Variants in STRN3 observed in about 807,000 individuals in gnomAD.
STRN3 encodes striatin 3, also known as striatin-3.
A neutral mutation model predicts 95.6 loss-of-function variants in STRN3; 29 were observed. The ratio of observed to expected loss-of-function variants is 0.30; its 90% CI spans 0.23 to 0.41. STRN3 has a LOEUF of 0.41. STRN3 is among the 10% of genes least tolerant of loss of function. The pLI is 1.00. For missense variants in STRN3, 890 were observed against 972.1 expected, an observed-to-expected ratio of 0.92 and a Z score of 1.12; for synonymous variants, 331 against 357.6, an observed-to-expected ratio of 0.93 and a Z score of 0.84.
chr14:30,995,895 G>A (rs183425940), intron 1 of STRN3, among the ~76,000 whole-genome samples: 98 of 152,300 alleles, frequency 6.4e-4, no homozygotes, highest in Non-Finnish European at 1.1e-3. Flanking sequence ...GCCCTCGGCT[G>A]TCAATCCTCT....
At chr14:30,999,901 A>C (rs1882367689) in intron 1 of STRN3, among the ~76,000 whole-genome samples, 1 of 152,230 alleles carries the variant, frequency 6.6e-6, no homozygotes, top group African/African-American at 2.4e-5. Context: ...AAAATCTTGA[A>C]AACATCAAAG....
chr14:30,985,768 T>C (rs1173892529), intron 1 of STRN3, among the ~76,000 whole-genome samples: 2 of 152,240 alleles, frequency 1.3e-5, no homozygotes, highest in Admixed American at 6.5e-5. Context: ...ATATATCTTT[T>C]GCTAACGTTT....
At chr14:30,905,671 A>G (rs1450626240) in intron 14 of STRN3, 113 bp from the exon 15 acceptor site, 5 of 1,090,714 alleles carry the variant, frequency 4.6e-6, no homozygotes, top group Non-Finnish European at 5.2e-6. Context: ...TAGTCTTGAA[A>G]TACTGTTAAT....
chr14:30,914,205 T>C (rs953638721), intron 9 of STRN3, among the ~76,000 whole-genome samples: 7 of 152,212 alleles, frequency 4.6e-5, no homozygotes, highest in African/African-American at 9.6e-5. Context: ...GTCAGCTATA[T>C]ACTATATCAG....
intron 1 of STRN3, among the ~76,000 whole-genome samples, chr14:31,019,019 G>A (rs1320978405): frequency 2.6e-5 from 4 of 152,150 alleles, no homozygotes; most frequent in Non-Finnish European, 5.9e-5. Flanking sequence ...TACTCTGGAG[G>A]CTGAGGCATG....
In STRN3 at chr14:30,914,759, T is replaced by G. The variant is rs1007218236; in HGVS notation, c.1241-1102A>C. 2.0e-5 allele frequency among the ~76,000 whole-genome samples: 3 copies of G among 152,250 alleles called. No homozygotes were observed. In the East Asian group the frequency reaches 5.8e-4, roughly 29 times the overall value. ...GTAATCTTGACCACAGAGCTTTAAT[T>G]TCTGATCAGATTTGCCATTTCAATT... On this transcript the variant is annotated intron_variant, in intron 9 of 17. Coordinates refer to ENST00000357479, the MANE Select transcript of STRN3 (RefSeq NM_001083893.2).
intron 1 of STRN3, among the ~76,000 whole-genome samples, chr14:30,967,961 G>A (rs1566464157): frequency 6.6e-6 from 1 of 152,106 alleles, no homozygotes; most frequent in South Asian, 2.1e-4. Flanking sequence ...AATTGATAGG[G>A]AAACTCCTGT....
chr14:30,942,290 A>C (rs1176432571), intron 5 of STRN3, among the ~76,000 whole-genome samples: 1 of 152,224 alleles, frequency 6.6e-6, no homozygotes, highest in Non-Finnish European at 1.5e-5. Context: ...TGAAAGGCAC[A>C]CAAGTAATAT....
intron 5 of STRN3, among the ~76,000 whole-genome samples, chr14:30,937,100 C>T (rs1209538235): frequency 4.0e-5 from 6 of 151,870 alleles, no homozygotes; most frequent in Non-Finnish European, 4.4e-5. Context: ...AGGGGAAGAT[C>T]GCTTGAGCCT....
Position 30,947,018 on chromosome 14 carries a change from G to A in STRN3, c.716+72C>T, listed in dbSNP as rs560890547. 3.4e-4 allele frequency: 374 copies of A among 1,100,536 alleles called. 5 individuals are homozygous for A. In the South Asian group the frequency reaches 9.1e-3, roughly 27 times the overall value. 68.2% of individuals were successfully genotyped at this position (1,100,536 alleles called of 1,614,324 possible). ...AAAAAGTTCTTAATGGCAGTAACAA[G>A]GAGCTAAAGAGATTAACAATAACAA... is the stretch of plus-strand genomic sequence containing the variant. On this transcript the variant is annotated intron_variant, in intron 5 of 17. Coordinates refer to ENST00000357479, the MANE Select transcript of STRN3 (RefSeq NM_001083893.2).
At chr14:31,020,234 C>A (rs1883440926) in intron 1 of STRN3, among the ~76,000 whole-genome samples, 1 of 152,222 alleles carries the variant, frequency 6.6e-6, no homozygotes, top group African/African-American at 2.4e-5. Context: ...CGCAGTGGCT[C>A]ATGCCTGTAA....
At chr14:31,022,568 A>G (rs74042110) in intron 1 of STRN3, among the ~76,000 whole-genome samples, 39 of 151,930 alleles carry the variant, frequency 2.6e-4, no homozygotes, top group African/African-American at 9.2e-4. Context: ...GCAGCATCAC[A>G]GGCGCTCAAT....
At chr14:30,932,541 T>A (rs1445359287) in intron 7 of STRN3, 3 of 152,188 alleles carry the variant, frequency 2.0e-5, no homozygotes, top group Admixed American at 1.3e-4. Context: ...CTTAAAATGT[T>A]TTAAAGATAA....
At chr14:30,905,261 C>T (rs1342807007) in intron 15 of STRN3, among the ~76,000 whole-genome samples, 157 bp downstream of exon 15, 1 of 152,110 alleles carries the variant, frequency 6.6e-6, no homozygotes, top group Non-Finnish European at 1.5e-5. Flanking sequence ...GAAGAAAAAG[C>T]AGACATAATA....
intron 5 of STRN3, among the ~76,000 whole-genome samples, chr14:30,946,326 T>A (rs1267961412): frequency 6.6e-6 from 1 of 151,970 alleles, no homozygotes; most frequent in East Asian, 1.9e-4. Context: ...GCAGGCTGTT[T>A]AAGGCCAGGA....
At chr14:31,005,171 A>G (rs940224524) in intron 1 of STRN3, among the ~76,000 whole-genome samples, 29 of 152,138 alleles carry the variant, frequency 1.9e-4, no homozygotes, top group African/African-American at 6.8e-4. Flanking sequence ...ATCTCTACTA[A>G]AAATACAAAA....
intron 9 of STRN3, among the ~76,000 whole-genome samples, chr14:30,917,113 G>A (rs1896760212): frequency 6.6e-6 from 1 of 152,158 alleles, no homozygotes; most frequent in African/African-American, 2.4e-5. Context: ...AAAATAAGGA[G>A]ACTGTATACT....
chr14:30,925,541 T>C (rs1897006639), intron 8 of STRN3, among the ~76,000 whole-genome samples: 1 of 152,110 alleles, frequency 6.6e-6, no homozygotes, highest in African/African-American at 2.4e-5. Flanking sequence ...TAACAAATTC[T>C]GGAATAAAGA....
chr14:30,895,275 C>T lies in STRN3; in HGVS notation c.*136G>A, dbSNP rs541461152. The T allele has an allele frequency of 3.6e-6, 3 of 841,412 alleles. No individual in the cohort carries two copies. Among genetic ancestry groups the T allele is most frequent in the African/African-American group, 1.7e-5 (1 of 58,394 alleles). The allele number at this position is 841,412 out of a possible 1,614,324, so 52.1% of individuals were successfully genotyped here. On this transcript the variant is annotated 3_prime_UTR_variant, in exon 18 of 18. Coordinates refer to ENST00000357479, the MANE Select transcript of STRN3 (RefSeq NM_001083893.2). ...GCTTGACATTAAGATGTGATTTCCA[C>T]CAATTTGTGCCTGCCCCAGATAGCC...
Sources: gnomAD v4.1 joint callset for allele counts (sites outside exome capture counted in the v4.1 genomes callset) on GRCh38, gnomAD v4.1.1 for gene constraint, MANE v1.5 for transcripts, NCBI Gene and HGNC (gene_info 2026-07-23, HGNC 2026-07-21) for gene names.